TMEM116: variants seen among roughly 807,000 people sequenced by gnomAD.
The protein encoded by TMEM116 is transmembrane protein 116.
TMEM116 carries 38 observed loss-of-function variants against 44.3 expected under a neutral mutation model. The ratio of observed to expected loss-of-function variants is 0.86; its 90% CI spans 0.66 to 1.12. The LOEUF (loss-of-function observed/expected upper bound fraction) is 1.12, where lower values mean the gene tolerates loss of function less well. TMEM116 is among the 50% of genes most tolerant of loss of function. The pLI is 0.00. For synonymous variants in TMEM116, 132 were observed against 144.8 expected (o/e 0.91, Z 0.64); for missense variants, 354 against 401.7 (o/e 0.88, Z 1.01).
At chr12:111,970,847 C>T (rs2075293092) in intron 4 of TMEM116, among the ~76,000 whole-genome samples, 1 of 152,114 alleles carries the variant, frequency 6.6e-6, no homozygotes, top group Non-Finnish European at 1.5e-5. Context: ...CCACCTTGGC[C>T]TCCCAAAGTG....
chr12:111,940,593 A>G, intron 5 of TMEM116, among the ~76,000 whole-genome samples: 1 of 149,166 alleles, frequency 6.7e-6, no homozygotes, highest in South Asian at 2.1e-4. Flanking sequence ...ATCTTCGGCT[A>G]AAGCTTTTCT....
chr12:112,003,737 T>C (rs2077413183), intron 3 of TMEM116, 63 bp downstream of exon 3: 1 of 1,482,948 alleles, frequency 6.7e-7, no homozygotes, highest in Non-Finnish European at 8.8e-7. Context: ...GTAACATCTG[T>C]TATTTGTTTC....
chr12:112,008,412 G>A (rs992672219), intron 1 of TMEM116, among the ~76,000 whole-genome samples: 7 of 151,634 alleles, frequency 4.6e-5, no homozygotes, highest in East Asian at 3.9e-4. Context: ...CCCGGGAGGC[G>A]GAAGTTGTAG....
intron 4 of TMEM116, among the ~76,000 whole-genome samples, chr12:111,943,726 C>T (rs1238990631): frequency 2.0e-5 from 3 of 151,910 alleles, no homozygotes; most frequent in Admixed American, 6.6e-5. Context: ...TGGTAGAGAT[C>T]GGGTTTCACC....
At chr12:111,943,686 C>T (rs1391474181) in intron 4 of TMEM116, among the ~76,000 whole-genome samples, 1 of 152,190 alleles carries the variant, frequency 6.6e-6, no homozygotes, top group African/African-American at 2.4e-5. Context: ...AGACACGTGC[C>T]ACTACGCCCC....
chr12:111,988,782 G>A (rs892661542), intron 4 of TMEM116, among the ~76,000 whole-genome samples: 1 of 151,986 alleles, frequency 6.6e-6, no homozygotes, highest in Non-Finnish European at 1.5e-5. Context: ...ACAGGGTCAG[G>A]AGTTCAAGAC....
At chr12:111,956,838 G>A (rs1470826359) in intron 4 of TMEM116, among the ~76,000 whole-genome samples, 1 of 152,174 alleles carries the variant, frequency 6.6e-6, no homozygotes, top group Non-Finnish European at 1.5e-5. Context: ...AGGCTGGAGT[G>A]AGTGGCGTGA....
intron 4 of TMEM116, among the ~76,000 whole-genome samples, chr12:111,984,953 A>G (rs2076142324): frequency 6.6e-6 from 1 of 152,134 alleles, no homozygotes; most frequent in African/African-American, 2.4e-5. Context: ...GAAAAAGCAA[A>G]AACAAAATAA....
At chr12:112,005,440 G>A in intron 1 of TMEM116, 137 bp from the exon 2 acceptor site, 1 of 620,094 alleles carries the variant, frequency 1.6e-6, no homozygotes, top group African/African-American at 1.9e-5. Flanking sequence ...GCCTGAGAAT[G>A]AGTTAAAAGG....
intron 6 of TMEM116, 135 bp from the exon 7 acceptor site, chr12:111,937,378 A>G: frequency 1.4e-6 from 1 of 696,308 alleles, no homozygotes; most frequent in South Asian, 1.8e-5. Context: ...AATTTCTTCA[A>G]GAAAAATACC....
chr12:112,003,727 G>A (rs1425292612), intron 3 of TMEM116, 73 bp downstream of exon 3: 8 of 1,470,696 alleles, frequency 5.4e-6, no homozygotes, highest in Admixed American at 3.0e-5. Flanking sequence ...CCACTTACAG[G>A]TAACATCTGT....
At chr12:112,003,899 G>C (rs903962190) in intron 2 of TMEM116, 36 bp from the exon 3 acceptor site, 12 of 1,449,180 alleles carry the variant, frequency 8.3e-6, no homozygotes, top group Non-Finnish European at 1.1e-5. Flanking sequence ...CATTAAAGCA[G>C]GACAATGGAG....
rs2073715782 is a variant in TMEM116, at chr12:111,951,337, A to T, written c.211-7968T>A. Reference sequence around the variant, plus strand: ...CTGGGTATGTGCCCAAAGGAATATAAATCATTTTATCATAAAGACACATGC... The same window carrying T: ...CTGGGTATGTGCCCAAAGGAATATATATCATTTTATCATAAAGACACATGC... On this transcript the variant is annotated intron_variant, in intron 4 of 10. Coordinates refer to ENST00000552374, the MANE Select transcript of TMEM116 (RefSeq NM_001193531.2). Among the ~76,000 whole-genome samples the T allele has an allele frequency of 2.0e-5, 3 of 152,250 alleles. No homozygotes were observed. The South Asian group carries it at 6.2e-4, about 32-fold the overall frequency.
intron 10 of TMEM116, 91 bp from the exon 11 acceptor site, chr12:111,931,918 T>C: frequency 1.1e-6 from 1 of 906,034 alleles, no homozygotes; most frequent in Non-Finnish European, 1.6e-6. Context: ...TAAAGCATTG[T>C]TATATTTTCT....
chr12:111,994,153 T>C (rs988620509), intron 3 of TMEM116, among the ~76,000 whole-genome samples: 1 of 152,150 alleles, frequency 6.6e-6, no homozygotes, highest in Admixed American at 6.5e-5. Flanking sequence ...GTGTAGGAAA[T>C]TGTCTATTCC....
Position 112,003,796 on chromosome 12 carries a change from T to G in TMEM116, c.78+4A>C, listed in dbSNP as rs1037242778. The G allele has an allele frequency of 1.3e-6, 2 of 1,510,500 alleles. No individual in the cohort carries two copies. Among genetic ancestry groups the G allele is most frequent in the African/African-American group, 2.8e-5 (2 of 71,200 alleles). The allele number at this position is 1,510,500 out of a possible 1,614,324, so 93.6% of individuals were successfully genotyped here. A position where few individuals can be genotyped will look rare whatever the true frequency, so the allele number is the denominator to read the frequency against. On this transcript the variant is annotated splice_donor_region_variant and intron_variant, in intron 3 of 10. Coordinates refer to ENST00000552374, the MANE Select transcript of TMEM116 (RefSeq NM_001193531.2). ...CAAATCCAACACAAAGAGAAATCAC[T>G]CACCTCTGGAGATTTCTGTATATTA...
At chr12:111,936,959 C>G (rs990513520) in intron 7 of TMEM116, 129 bp from the exon 8 acceptor site, 1 of 1,067,616 alleles carries the variant, frequency 9.4e-7, no homozygotes, top group Admixed American at 2.6e-5. Flanking sequence ...TTGTCTCTCC[C>G]CCACAGACAC....
intron 4 of TMEM116, among the ~76,000 whole-genome samples, chr12:111,973,920 C>A (rs946105377): frequency 1.5e-4 from 23 of 151,614 alleles, no homozygotes; most frequent in Non-Finnish European, 7.4e-5. Flanking sequence ...GTCAAAAAAA[C>A]CCAAAAAAAC....
At chr12:112,011,604 C>A (rs1449378046) in intron 1 of TMEM116, 1 of 152,266 alleles carries the variant, frequency 6.6e-6, no homozygotes, top group East Asian at 1.9e-4. Context: ...TGTCCTACTG[C>A]ATGACCTTAA....
Sources: gnomAD v4.1 joint callset for allele counts (sites outside exome capture counted in the v4.1 genomes callset) on GRCh38, gnomAD v4.1.1 for gene constraint, MANE v1.5 for transcripts, NCBI Gene and HGNC (gene_info 2026-07-23, HGNC 2026-07-21) for gene names.